Variants in PCDH11X observed in about 807,000 individuals in gnomAD.
The protein encoded by PCDH11X is protocadherin 11 X-linked, also known as protocadherin-11 X-linked.
PCDH11X carries 18 observed loss-of-function variants against 53.3 expected under a neutral mutation model. The observed-to-expected ratio is 0.34, with a 90% CI of 0.23 to 0.50. The LOEUF (loss-of-function observed/expected upper bound fraction) is 0.50. Ranked by LOEUF, PCDH11X falls within the 20% of genes least tolerant of loss-of-function variation. PCDH11X has a pLI of 0.98. For synonymous variants in PCDH11X, 279 were observed against 393.3 expected (o/e 0.71, Z 3.44); for missense variants, 570 against 1,032.4 (o/e 0.55, Z 6.14).
At chrX:92,568,930 A>T (rs1449497868) in intron 10 of PCDH11X, among the ~76,000 whole-genome samples, 2 of 111,908 alleles carry the variant, frequency 1.8e-5, no homozygotes, top group Non-Finnish European at 3.8e-5. Flanking sequence ...TTAAATGTTT[A>T]CATGATAGAA....
At chrX:91,943,825 A>G (rs1363657088) in intron 6 of PCDH11X, among the ~76,000 whole-genome samples, 1 of 100,322 alleles carries the variant, frequency 1.0e-5, no homozygotes, top group Non-Finnish European at 2.0e-5. Flanking sequence ...AATATTACTA[A>G]TCATGATACT....
intron 8 of PCDH11X, among the ~76,000 whole-genome samples, chrX:92,374,577 G>T (rs2070697622): frequency 9.0e-6 from 1 of 110,694 alleles, no homozygotes; most frequent in Non-Finnish European, 1.9e-5. Context: ...AATATTAGAT[G>T]TGGAAGCTTC....
At chrX:91,930,871 A>G (rs111825243) in intron 6 of PCDH11X, among the ~76,000 whole-genome samples, 1,654 of 105,978 alleles carry the variant, frequency 0.016, 37 homozygotes, top group African/African-American at 0.053. Context: ...GGTTCATTCA[A>G]TATGGTTATG....
intron 6 of PCDH11X, among the ~76,000 whole-genome samples, chrX:91,980,891 ACT>A (rs1366886175): frequency 9.5e-6 from 1 of 105,284 alleles, no homozygotes; most frequent in Non-Finnish European, 1.9e-5. Context: ...AGTAAATATC[ACT>A]GAGTGTCTAC....
intron 10 of PCDH11X, among the ~76,000 whole-genome samples, chrX:92,474,396 T>G (rs1388923240): frequency 9.3e-6 from 1 of 107,860 alleles, no homozygotes; most frequent in Non-Finnish European, 1.9e-5. Context: ...TTTAATCCAT[T>G]AATCCACTCT....
intron 10 of PCDH11X, among the ~76,000 whole-genome samples, chrX:92,552,209 C>A (rs1181839937): frequency 1.0e-4 from 8 of 78,251 alleles, no homozygotes; most frequent in South Asian, 6.2e-4. Context: ...TTTTTGGTGT[C>A]CTCCTCAATT....
At chrX:92,241,344 T>C (rs1386320436) in intron 7 of PCDH11X, among the ~76,000 whole-genome samples, 1 of 111,837 alleles carries the variant, frequency 8.9e-6, no homozygotes, top group East Asian at 2.8e-4. Context: ...TTAGAAAGAC[T>C]GAATGAATGC....
At chrX:92,600,244 C>A (rs776994589) in intron 10 of PCDH11X, among the ~76,000 whole-genome samples, 1 of 108,702 alleles carries the variant, frequency 9.2e-6, no homozygotes, top group South Asian at 3.9e-4. Flanking sequence ...TATTAATCAC[C>A]AAAACAGTAG....
chrX:91,981,148 A>G (rs1482984300), intron 6 of PCDH11X, among the ~76,000 whole-genome samples: 1 of 106,918 alleles, frequency 9.4e-6, no homozygotes, highest in African/African-American at 3.4e-5. Flanking sequence ...ATTCCTCAAG[A>G]AACTCACAGT....
chrX:92,349,596 G>A (rs983491508), intron 8 of PCDH11X, among the ~76,000 whole-genome samples: 2 of 104,488 alleles, frequency 1.9e-5, no homozygotes, highest in African/African-American at 3.5e-5. Context: ...TCCCCTTTCC[G>A]TTCTTCTCTG....
intron 9 of PCDH11X, among the ~76,000 whole-genome samples, chrX:92,449,525 T>C (rs1216529737): frequency 1.8e-5 from 2 of 111,464 alleles, no homozygotes; most frequent in African/African-American, 3.3e-5. Context: ...TATAATAATA[T>C]ACACAAATAC....
intron 10 of PCDH11X, among the ~76,000 whole-genome samples, chrX:92,535,587 TG>T (rs777900363): frequency 1.8e-5 from 2 of 111,488 alleles, no homozygotes; most frequent in Non-Finnish European, 3.8e-5. Context: ...GCTTAATACC[TG>T]GGTGATGAAA....
chrX:92,110,141 C>A (rs2064472066), intron 6 of PCDH11X, among the ~76,000 whole-genome samples: 1 of 111,441 alleles, frequency 9.0e-6, no homozygotes, highest in African/African-American at 3.3e-5. Context: ...TTAAACTTAT[C>A]CTTGAAAGAT....
intron 7 of PCDH11X, among the ~76,000 whole-genome samples, chrX:92,221,062 G>C (rs188534910): frequency 1.7e-5 from 1 of 60,180 alleles, no homozygotes; most frequent in Non-Finnish European, 3.1e-5. Flanking sequence ...GGTGGGGGGA[G>C]GGGGGAGGGA....
intron 7 of PCDH11X, among the ~76,000 whole-genome samples, chrX:92,232,828 G>A (rs2067102000): frequency 2.7e-5 from 3 of 111,365 alleles, no homozygotes; most frequent in Admixed American, 9.5e-5. Context: ...CCATTCTCCC[G>A]CCTCAGCATC....
At chrX:92,014,897 A>C (rs1237449196) in intron 6 of PCDH11X, among the ~76,000 whole-genome samples, 1 of 109,832 alleles carries the variant, frequency 9.1e-6, no homozygotes, top group Non-Finnish European at 1.9e-5. Flanking sequence ...GGGTGGGGGG[A>C]GTGGGGATGG....
intron 1 of PCDH11X, among the ~76,000 whole-genome samples, chrX:91,782,076 G>C (rs1569375971): frequency 9.1e-6 from 1 of 109,913 alleles, no homozygotes; most frequent in Non-Finnish European, 1.9e-5. Flanking sequence ...GAAGCCGAGC[G>C]GCGAGTCCGA....
At chrX:92,172,381 G>T (rs1187648008) in intron 6 of PCDH11X, among the ~76,000 whole-genome samples, 2 of 109,738 alleles carry the variant, frequency 1.8e-5, no homozygotes, top group African/African-American at 6.6e-5. Flanking sequence ...GTTTTTGATT[G>T]TCTGTTTGTT....
At chrX:92,025,227 T>A (rs1186584585) in intron 6 of PCDH11X, among the ~76,000 whole-genome samples, 2 of 108,829 alleles carry the variant, frequency 1.8e-5, no homozygotes, top group South Asian at 4.0e-4. Flanking sequence ...AATCTACCCA[T>A]CTGACAAAGG....
Sources: gnomAD v4.1 joint callset for allele counts (sites outside exome capture counted in the v4.1 genomes callset) on GRCh38, gnomAD v4.1.1 for gene constraint, MANE v1.5 for transcripts, NCBI Gene and HGNC (gene_info 2026-07-23, HGNC 2026-07-21) for gene names.